Variants in RAB38 observed in about 807,000 individuals in gnomAD.
The protein encoded by RAB38 is ras-related protein Rab-38.
A neutral mutation model predicts 18.4 loss-of-function variants in RAB38; 15 were observed. That is an observed-to-expected ratio of 0.82 (90% confidence interval 0.55 to 1.26). The LOEUF is 1.26. Among genes scored for constraint, RAB38 ranks in the 50% most tolerant of loss-of-function variants. The pLI is 0.00. For synonymous variants in RAB38, 101 were observed against 104.4 expected (o/e 0.97, Z 0.20); for missense variants, 294 against 267.4 (o/e 1.10, Z -0.69).
the RAB38 span, among the ~76,000 whole-genome samples, chr11:87,933,086 G>T: frequency 2.0e-5 from 3 of 152,030 alleles, no homozygotes; most frequent in Non-Finnish European, 2.9e-5. Context: ...GAACAAAGAT[G>T]AATCCTCAGT....
the RAB38 span, among the ~76,000 whole-genome samples, chr11:87,962,947 C>G: frequency 6.6e-6 from 1 of 152,042 alleles, no homozygotes; most frequent in Non-Finnish European, 1.5e-5. Flanking sequence ...GATTTACAAT[C>G]AAATTTTTAA....
rs189531460 is a variant in RAB38, at chr11:88,134,001, G to A, written c.483+15674C>T. Among the ~76,000 whole-genome samples, 9 of 152,228 alleles carry A rather than the reference G, an allele frequency of 5.9e-5. No homozygotes were observed. In the East Asian group the frequency reaches 1.7e-3, roughly 29 times the overall value. On this transcript the variant is annotated intron_variant, in intron 2 of 2. Coordinates refer to ENST00000243662, the MANE Select transcript of RAB38 (RefSeq NM_022337.3). The stretch of plus-strand genomic sequence containing the variant: ...CTTTTCTATCTATACTCATTCCCAA[G>A]GTAATCTCATTCCAAAGGGATCTTT...
At chr11:88,073,843 A>T in the RAB38 span, among the ~76,000 whole-genome samples, 729 of 152,176 alleles carry the variant, frequency 4.8e-3, 3 homozygotes, top group African/African-American at 0.016. Context: ...AATAATTTTT[A>T]AAAAAATCAA....
chr11:87,913,660 G>T, the RAB38 span, among the ~76,000 whole-genome samples: 2 of 152,180 alleles, frequency 1.3e-5, no homozygotes, highest in South Asian at 4.2e-4. Flanking sequence ...TGAATCTCTT[G>T]TGAATGGTTT....
the RAB38 span, among the ~76,000 whole-genome samples, chr11:87,940,354 G>C: frequency 6.6e-6 from 1 of 152,022 alleles, no homozygotes; most frequent in Admixed American, 6.6e-5. Flanking sequence ...GACACAGTGA[G>C]ATAATGAGTG....
the RAB38 span, among the ~76,000 whole-genome samples, chr11:87,972,812 T>A: frequency 6.6e-6 from 1 of 152,062 alleles, no homozygotes; most frequent in African/African-American, 2.4e-5. Context: ...TGGACTTGTG[T>A]CCCCACTCAA....
chr11:88,150,978 ACAACC>A (rs1943056910), intron 1 of RAB38, among the ~76,000 whole-genome samples: 1 of 152,190 alleles, frequency 6.6e-6, no homozygotes, highest in Non-Finnish European at 1.5e-5. Context: ...TAAATACTCT[ACAACC>A]TATTGGATAA....
the RAB38 span, among the ~76,000 whole-genome samples, chr11:87,866,739 C>T: frequency 6.6e-6 from 1 of 151,726 alleles, no homozygotes; most frequent in Non-Finnish European, 1.5e-5. Context: ...CTCCTCTGAT[C>T]CCCAAGCCAA....
At chr11:88,104,315 C>CATA in the RAB38 span, among the ~76,000 whole-genome samples, 103,179 of 151,670 alleles carry the variant, frequency 0.68, 36,097 homozygotes, top group African/African-American at 0.85. Flanking sequence ...CAATTTACTG[C>CATA]ATGTCTGTCC....
the RAB38 span, among the ~76,000 whole-genome samples, chr11:88,108,237 T>G: frequency 0.045 from 6,780 of 152,214 alleles, 184 homozygotes; most frequent in African/African-American, 0.069. Context: ...TCTCCCACTC[T>G]TATTGTGTGG....
chr11:88,015,800 G>T, the RAB38 span, among the ~76,000 whole-genome samples: 2 of 152,112 alleles, frequency 1.3e-5, no homozygotes, highest in Non-Finnish European at 2.9e-5. Flanking sequence ...AATGTTTCCA[G>T]TTGGGCTTTG....
chr11:88,109,097 A>G (rs890643943), downstream of RAB38, among the ~76,000 whole-genome samples: 3 of 152,032 alleles, frequency 2.0e-5, no homozygotes, highest in African/African-American at 7.2e-5. Flanking sequence ...ACCTTGGTCA[A>G]TCTGATGATT....
At chr11:88,143,356 A>G (rs1215813048) in intron 2 of RAB38, among the ~76,000 whole-genome samples, 4 of 152,232 alleles carry the variant, frequency 2.6e-5, no homozygotes, top group African/African-American at 7.2e-5. Context: ...TCAGATGGTA[A>G]ATAATTGAAG....
At chr11:87,868,598 A>AGAGAGAGAGAGAGAGAAG in the RAB38 span, among the ~76,000 whole-genome samples, 1 of 53,280 alleles carries the variant, frequency 1.9e-5, no homozygotes, top group East Asian at 8.6e-4. Flanking sequence ...AGAGAGAGAG[A>AGAGAGAGAGAGAGAGAAG]GAGAGAGAGA....
chr11:88,008,194 T>C, the RAB38 span, among the ~76,000 whole-genome samples: 3 of 152,170 alleles, frequency 2.0e-5, no homozygotes, highest in African/African-American at 4.8e-5. Context: ...ACATTTGATA[T>C]CTATATTTAC....
the RAB38 span, among the ~76,000 whole-genome samples, chr11:87,834,121 T>C: frequency 3.3e-5 from 5 of 152,124 alleles, no homozygotes; most frequent in African/African-American, 4.8e-5. Context: ...TTGGACCGTA[T>C]GGAAAGCATA....
At chr11:88,027,597 C>T in the RAB38 span, among the ~76,000 whole-genome samples, 3,273 of 152,304 alleles carry the variant, frequency 0.021, 101 homozygotes, top group African/African-American at 0.073. Context: ...GAGGGTCCTA[C>T]GCCCATGGAG....
chr11:87,935,127 T>C, the RAB38 span, among the ~76,000 whole-genome samples: 1 of 146,242 alleles, frequency 6.8e-6, no homozygotes, highest in African/African-American at 2.7e-5. Context: ...CTAGAAGATT[T>C]GGAGAAATTA....
chr11:88,038,174 C>A, the RAB38 span, among the ~76,000 whole-genome samples: 108 of 152,276 alleles, frequency 7.1e-4, 1 homozygote, highest in African/African-American at 2.6e-3. Context: ...TATTTCCCTG[C>A]AAAAACCAGC....
Sources: allele counts gnomAD v4.1 joint callset (sites outside exome capture counted in the v4.1 genomes callset), GRCh38; gene constraint gnomAD v4.1.1; transcripts MANE v1.5; gene names NCBI Gene and HGNC (gene_info 2026-07-23, HGNC 2026-07-21).